Variants in DEPDC5 observed in about 807,000 individuals in gnomAD.
The protein encoded by DEPDC5 is GATOR1 complex protein DEPDC5.
A neutral mutation model predicts 217.3 loss-of-function variants in DEPDC5; 73 were observed. That is an observed-to-expected ratio of 0.34 (90% CI 0.28 to 0.41). The LOEUF is 0.41. Among genes scored for constraint, DEPDC5 ranks in the 10% least tolerant of loss-of-function variants. DEPDC5 has a pLI of 1.00. For synonymous variants in DEPDC5, 733 were observed against 756.7 expected (o/e 0.97, Z 0.51); for missense variants, 1,675 against 2,070.1 (o/e 0.81, Z 3.70).
chr22:31,758,608 A>G lies in DEPDC5; in HGVS notation c.121A>G (p.Ile41Val). ...PHIKLGDIVE[I>V]AHPNDEYSPL... Reference sequence around the variant, plus strand: ...CATCAAGCTTGGAGACATTGTAGAGATTGCACACCCCAACGATGAATACAG... The same window carrying G: ...CATCAAGCTTGGAGACATTGTAGAGGTTGCACACCCCAACGATGAATACAG... Residue 41 changes from isoleucine to valine, a missense_variant, in exon 3 of 43, where the codon ATT becomes GTT. Physicochemically the swap from Ile to Val is conservative, Grantham distance 29. Transcript: ENST00000651528. 1 of 1,614,102 alleles carries G rather than the reference A, an allele frequency of 6.2e-7. No individual in the cohort carries two copies. Among genetic ancestry groups the G allele is most frequent in the Non-Finnish European group, 8.5e-7 (1 of 1,180,024 alleles).
At chr22:31,839,150 G>A (rs1000270496) in intron 27 of DEPDC5, among the ~76,000 whole-genome samples, 12 of 152,180 alleles carry the variant, frequency 7.9e-5, no homozygotes, top group Non-Finnish European at 1.6e-4. Context: ...AGCTGTCAAC[G>A]TTTCTAAACC....
At chr22:31,775,835 T>A (rs547453693) in intron 7 of DEPDC5, among the ~76,000 whole-genome samples, 1 of 151,404 alleles carries the variant, frequency 6.6e-6, no homozygotes, top group South Asian at 2.1e-4. Context: ...AGGTCAGGAG[T>A]TCGAGACCAG....
intron 31 of DEPDC5, 63 bp downstream of exon 31, chr22:31,847,030 C>G: frequency 6.2e-7 from 1 of 1,604,638 alleles, no homozygotes; most frequent in Non-Finnish European, 8.5e-7. Context: ...TTTCAGTGCC[C>G]TGTTCCCTTG....
chr22:31,856,415 A>G (rs976423334), intron 31 of DEPDC5, among the ~76,000 whole-genome samples: 1 of 152,192 alleles, frequency 6.6e-6, no homozygotes, highest in Non-Finnish European at 1.5e-5. Flanking sequence ...GAAGTAATAT[A>G]TATTATAGTA....
intron 8 of DEPDC5, among the ~76,000 whole-genome samples, chr22:31,780,934 T>G (rs1445469624): frequency 1.3e-5 from 2 of 152,282 alleles, no homozygotes; most frequent in Admixed American, 1.3e-4. Context: ...ATTCATCATC[T>G]GGGCCGGGCG....
At chr22:31,877,529 A>T (rs2093035208) in intron 37 of DEPDC5, among the ~76,000 whole-genome samples, 1 of 149,500 alleles carries the variant, frequency 6.7e-6, no homozygotes, top group Admixed American at 6.7e-5. Context: ...AGGCCGGCAG[A>T]TCACAAGGTC....
At chr22:31,859,642 C>T (rs57174103) in intron 32 of DEPDC5, among the ~76,000 whole-genome samples, 1 of 152,202 alleles carries the variant, frequency 6.6e-6, no homozygotes, top group Non-Finnish European at 1.5e-5. Flanking sequence ...ATCCACCCAC[C>T]TCAGCCTCCC....
chr22:31,808,868 A>G (rs1256180546), intron 18 of DEPDC5, among the ~76,000 whole-genome samples: 2 of 152,130 alleles, frequency 1.3e-5, no homozygotes, highest in Admixed American at 1.3e-4. Flanking sequence ...CTCGGCTACC[A>G]TGATCATTTT....
intron 36 of DEPDC5, 82 bp downstream of exon 36, chr22:31,874,487 C>T: frequency 6.8e-7 from 1 of 1,479,538 alleles, no homozygotes; most frequent in Non-Finnish European, 9.0e-7. Context: ...ATCACCCTTT[C>T]CAGTAATGAG....
intron 41 of DEPDC5, among the ~76,000 whole-genome samples, chr22:31,905,580 G>A (rs1313037694): frequency 6.6e-6 from 1 of 152,046 alleles, no homozygotes; most frequent in Non-Finnish European, 1.5e-5. Context: ...TCCAGTGAGA[G>A]GCCCAGGATG....
chr22:31,867,794 C>T (rs1022472120), intron 33 of DEPDC5, among the ~76,000 whole-genome samples: 1 of 152,156 alleles, frequency 6.6e-6, no homozygotes, highest in African/African-American at 2.4e-5. Flanking sequence ...CCCCCTACCC[C>T]GGCTCCCACC....
chr22:31,815,605 C>T (rs1303433645), intron 21 of DEPDC5: 1 of 612,584 alleles, frequency 1.6e-6, no homozygotes, highest in African/African-American at 1.9e-5. Context: ...CACAGCTCAC[C>T]TCAGTGCGGC....
chr22:31,885,642 G>A (rs912266305), intron 38 of DEPDC5, among the ~76,000 whole-genome samples: 20 of 149,496 alleles, frequency 1.3e-4, no homozygotes, highest in Admixed American at 2.7e-4. Flanking sequence ...GGAGAATGGC[G>A]TGAACCTGGG....
chr22:31,844,808 G>A, intron 29 of DEPDC5: 1 of 496,940 alleles, frequency 2.0e-6, no homozygotes, highest in Non-Finnish European at 3.5e-6. Flanking sequence ...TCCTGCCTCG[G>A]CCTCCCAAAG....
intron 10 of DEPDC5, among the ~76,000 whole-genome samples, chr22:31,785,344 A>G (rs919673504): frequency 6.6e-6 from 1 of 152,202 alleles, no homozygotes; most frequent in Admixed American, 6.6e-5. Flanking sequence ...CACAAAATCA[A>G]TTGTATTTCT....
chr22:31,845,690 C>T (rs190091872), intron 30 of DEPDC5, among the ~76,000 whole-genome samples: 2 of 152,144 alleles, frequency 1.3e-5, no homozygotes, highest in East Asian at 3.9e-4. Context: ...TGGAATATGC[C>T]AGCTATAAGG....
intron 20 of DEPDC5, 197 bp from the exon 21 acceptor site, chr22:31,814,795 C>A: frequency 1.7e-6 from 1 of 602,498 alleles, no homozygotes; most frequent in Non-Finnish European, 2.9e-6. Flanking sequence ...TAATGTCTGT[C>A]ATTTCCCCCC....
intron 39 of DEPDC5, among the ~76,000 whole-genome samples, chr22:31,896,086 C>T (rs1464291776): frequency 6.6e-6 from 1 of 151,852 alleles, no homozygotes; most frequent in Non-Finnish European, 1.5e-5. Context: ...GCAGGAAGGA[C>T]AGTGTTCATT....
At chr22:31,791,383 T>A (rs2085613392) in intron 10 of DEPDC5, among the ~76,000 whole-genome samples, 1 of 151,978 alleles carries the variant, frequency 6.6e-6, no homozygotes, top group African/African-American at 2.4e-5. Flanking sequence ...ACACCTGTAA[T>A]CCCAGCACTT....
Sources: allele counts gnomAD v4.1 joint callset (sites outside exome capture counted in the v4.1 genomes callset), GRCh38; gene constraint gnomAD v4.1.1; transcripts MANE v1.5; gene names NCBI Gene and HGNC (gene_info 2026-07-23, HGNC 2026-07-21).